Variants in AGBL4 observed in about 807,000 individuals in gnomAD.
AGBL4 encodes cytosolic carboxypeptidase 6.
Under a neutral mutation model 66.4 loss-of-function variants are expected in AGBL4, and 58 were observed. The ratio of observed to expected loss-of-function variants is 0.87; its 90% confidence interval spans 0.71 to 1.09. The LOEUF is 1.09. Ranked by LOEUF, AGBL4 falls within the 50% of genes least tolerant of loss-of-function variation. AGBL4 has a pLI of 0.00. For synonymous variants in AGBL4, 234 were observed against 222.9 expected, an observed-to-expected ratio of 1.05 and a Z score of -0.44; for missense variants, 579 against 631.0, an observed-to-expected ratio of 0.92 and a Z score of 0.88.
At chr1:48,760,339 C>A (rs1352437022) in intron 6 of AGBL4, among the ~76,000 whole-genome samples, 1 of 152,168 alleles carries the variant, frequency 6.6e-6, no homozygotes, top group Non-Finnish European at 1.5e-5. Flanking sequence ...GAAGTGCAGA[C>A]AACTGAGGAC....
chr1:49,294,497 C>A (rs1249858631), intron 3 of AGBL4, among the ~76,000 whole-genome samples: 1 of 152,198 alleles, frequency 6.6e-6, no homozygotes, highest in Non-Finnish European at 1.5e-5. Context: ...AATTCAACAT[C>A]AGCTAAGTCT....
intron 6 of AGBL4, among the ~76,000 whole-genome samples, chr1:48,792,779 T>A (rs1047491090): frequency 1.1e-4 from 16 of 152,216 alleles, no homozygotes; most frequent in Non-Finnish European, 5.9e-5. Flanking sequence ...AGTTTTTAAA[T>A]TTTTAGAAAA....
chr1:49,423,552 G>C (rs1318462048), intron 3 of AGBL4, among the ~76,000 whole-genome samples: 2 of 152,142 alleles, frequency 1.3e-5, no homozygotes, highest in Non-Finnish European at 2.9e-5. Context: ...GCTCACACCT[G>C]TAATCCCAGC....
intron 2 of AGBL4, among the ~76,000 whole-genome samples, chr1:49,782,655 G>A (rs777587270): frequency 6.6e-6 from 1 of 152,206 alleles, no homozygotes; most frequent in East Asian, 1.9e-4. Flanking sequence ...GGTAAGTGGG[G>A]TCTAATGAGA....
At chr1:49,238,235 G>A (rs933593131) in intron 4 of AGBL4, among the ~76,000 whole-genome samples, 1 of 152,018 alleles carries the variant, frequency 6.6e-6, no homozygotes, top group Non-Finnish European at 1.5e-5. Flanking sequence ...CAAAATTTGG[G>A]ATGATTTCAT....
At chr1:49,270,419 G>A (rs1214602037) in intron 3 of AGBL4, among the ~76,000 whole-genome samples, 1 of 152,050 alleles carries the variant, frequency 6.6e-6, no homozygotes, top group Non-Finnish European at 1.5e-5. Context: ...TTTATTCCAA[G>A]CATGTTAAGC....
At chr1:48,901,692 G>A (rs1285391187) in intron 5 of AGBL4, among the ~76,000 whole-genome samples, 4 of 152,048 alleles carry the variant, frequency 2.6e-5, no homozygotes, top group Non-Finnish European at 5.9e-5. Flanking sequence ...GTAAAATCTA[G>A]AAAATGCAAA....
intron 1 of AGBL4, among the ~76,000 whole-genome samples, chr1:49,956,438 A>C (rs2148333646): frequency 6.6e-6 from 1 of 152,040 alleles, no homozygotes; most frequent in Non-Finnish European, 1.5e-5. Flanking sequence ...GGCATAAAAA[A>C]ATTAATAACT....
At chr1:49,049,668 A>C (rs1207836400) in intron 4 of AGBL4, among the ~76,000 whole-genome samples, 2 of 151,954 alleles carry the variant, frequency 1.3e-5, no homozygotes, top group Non-Finnish European at 2.9e-5. Context: ...TAAAGTAGAG[A>C]CTCTTTAACA....
chr1:49,028,843 T>A lies in AGBL4; in HGVS notation c.594+16741A>T, dbSNP rs1285078880. Among the ~76,000 whole-genome samples the A allele has an allele frequency of 3.9e-5, 6 of 152,108 alleles. No individual in the cohort carries two copies. The East Asian group carries it at 1.2e-3, about 29-fold the overall frequency. On this transcript the variant is annotated intron_variant, in intron 5 of 13. Coordinates refer to ENST00000371839, the MANE Select transcript of AGBL4 (RefSeq NM_032785.4). The stretch of plus-strand genomic sequence containing the variant: ...TCCTACCTGACTGAATCCAGCAACA[T>A]ATAAAAAGGATTATGTACTGTGACC...
At chr1:49,181,762 A>G (rs1646934622) in intron 4 of AGBL4, among the ~76,000 whole-genome samples, 1 of 152,166 alleles carries the variant, frequency 6.6e-6, no homozygotes, top group African/African-American at 2.4e-5. Flanking sequence ...ATATCCCCAC[A>G]TGTAAGACAA....
chr1:48,816,911 A>G (rs1005871224), intron 6 of AGBL4, among the ~76,000 whole-genome samples: 29 of 152,208 alleles, frequency 1.9e-4, no homozygotes, highest in African/African-American at 6.8e-4. Context: ...CTGTCTAGGC[A>G]AGGAGGGGCT....
intron 4 of AGBL4, among the ~76,000 whole-genome samples, chr1:49,124,336 G>T (rs1022830660): frequency 1.3e-5 from 2 of 152,144 alleles, no homozygotes; most frequent in African/African-American, 4.8e-5. Flanking sequence ...AATGATAGAA[G>T]ATAGAACAAT....
intron 3 of AGBL4, among the ~76,000 whole-genome samples, chr1:49,483,572 C>T (rs955054782): frequency 3.3e-5 from 5 of 151,824 alleles, no homozygotes; most frequent in Non-Finnish European, 7.4e-5. Flanking sequence ...AATTAAACCC[C>T]TATCTCTCAC....
intron 3 of AGBL4, among the ~76,000 whole-genome samples, chr1:49,523,018 C>A (rs1009591583): frequency 1.3e-5 from 2 of 151,992 alleles, no homozygotes; most frequent in African/African-American, 2.4e-5. Context: ...GAGGAGGTCA[C>A]AGCACAGGAC....
intron 5 of AGBL4, among the ~76,000 whole-genome samples, chr1:48,961,172 T>C (rs760950406): frequency 3.3e-5 from 5 of 151,896 alleles, no homozygotes; most frequent in Non-Finnish European, 7.4e-5. Context: ...TGCAGGAACA[T>C]GGAGGAACTG....
intron 3 of AGBL4, among the ~76,000 whole-genome samples, chr1:49,412,191 A>G (rs1645330215): frequency 6.6e-6 from 1 of 152,130 alleles, no homozygotes; most frequent in Non-Finnish European, 1.5e-5. Flanking sequence ...GCTTATAAAC[A>G]CCAAAAATCT....
chr1:48,768,397 T>TA (rs1030016703), intron 6 of AGBL4, among the ~76,000 whole-genome samples: 17 of 151,966 alleles, frequency 1.1e-4, no homozygotes, highest in Middle Eastern at 3.4e-3. Context: ...AGCTTTCTTG[T>TA]AAAAAAAATG....
chr1:49,128,470 A>G (rs142751115), intron 4 of AGBL4, among the ~76,000 whole-genome samples: 2 of 152,210 alleles, frequency 1.3e-5, no homozygotes, highest in East Asian at 1.9e-4. Context: ...TAAAGCTAAA[A>G]TAATCAAGAA....
Sources: allele counts gnomAD v4.1 joint callset (sites outside exome capture counted in the v4.1 genomes callset), GRCh38; gene constraint gnomAD v4.1.1; transcripts MANE v1.5; gene names NCBI Gene and HGNC (gene_info 2026-07-23, HGNC 2026-07-21).